Variants in FANCB observed in about 807,000 individuals in gnomAD.
FANCB encodes the protein Fanconi anemia group B protein.
A neutral mutation model predicts 38.9 loss-of-function variants in FANCB; 5 were observed. That is an observed-to-expected ratio of 0.13 (90% CI 0.07 to 0.27). The LOEUF (loss-of-function observed/expected upper bound fraction) is 0.27, where lower values mean the gene tolerates loss of function less well. Among genes scored for constraint, FANCB ranks in the 10% least tolerant of loss-of-function variants. The pLI is 1.00. For synonymous variants in FANCB, 236 were observed against 215.4 expected (o/e 1.10, Z -0.84); for missense variants, 573 against 602.7 (o/e 0.95, Z 0.52).
At chrX:14,783,999 C>G in the FANCB span, among the ~76,000 whole-genome samples, 1 of 112,323 alleles carries the variant, frequency 8.9e-6, no homozygotes, top group Admixed American at 9.4e-5. Context: ...CACCTGAGGT[C>G]AGGAGCTCGA....
In FANCB at chrX:14,865,490, C is replaced by G. The variant is rs2147448237; in HGVS notation, c.21G>C (p.Met7Ile). 3.2e-5 allele frequency: 38 copies of G among 1,200,417 alleles called. No homozygotes were observed. The highest frequency in any genetic ancestry group is 4.2e-5 in the Non-Finnish European group (37 of 888,027). The change falls in exon 3 of 10, where the codon ATG becomes ATC. Residue 7 changes from methionine (M) to isoleucine (I), a missense_variant. By Grantham distance (10) the Met-to-Ile change is conservative. Transcript: ENST00000650831. ...AGAGCCTTTCTTGTTCGTTAGATGA[C>G]ATTGCTTGTTTGCTAGTCATTCCAC... MTSKQA[M>I]SSNEQERLLC...
downstream of FANCB, among the ~76,000 whole-genome samples, chrX:14,833,416 G>C (rs1017668665): frequency 8.9e-6 from 1 of 111,859 alleles, no homozygotes; most frequent in African/African-American, 3.3e-5. Flanking sequence ...AATCTGCATC[G>C]ACTGAGAGCT....
At chrX:14,822,757 T>C in the FANCB span, among the ~76,000 whole-genome samples, 1 of 111,464 alleles carries the variant, frequency 9.0e-6, no homozygotes, top group African/African-American at 3.3e-5. Context: ...CGTATGTGGT[T>C]AAGGGAAATA....
chrX:14,710,979 G>C, the FANCB span, among the ~76,000 whole-genome samples: 1 of 112,431 alleles, frequency 8.9e-6, no homozygotes, highest in South Asian at 3.7e-4. Flanking sequence ...TTCAGTCACA[G>C]AGTTGTTAAA....
chrX:14,795,608 G>T, the FANCB span, among the ~76,000 whole-genome samples: 1 of 112,024 alleles, frequency 8.9e-6, no homozygotes, highest in Non-Finnish European at 1.9e-5. Flanking sequence ...GCGTGCAAAT[G>T]CAATTGGATG....
At chrX:14,805,498 C>T in the FANCB span, among the ~76,000 whole-genome samples, 1 of 111,234 alleles carries the variant, frequency 9.0e-6, no homozygotes, top group Non-Finnish European at 1.9e-5. Flanking sequence ...CACACCATCA[C>T]CCCCGCTAAA....
At chrX:14,835,422 T>G, downstream of FANCB, 2 of 338,920 alleles carry the variant, frequency 5.9e-6, no homozygotes, top group Non-Finnish European at 1.1e-5. Flanking sequence ...CCTGGGCGGG[T>G]GATTCTTATA....
chrX:14,775,716 CACA>C, the FANCB span, among the ~76,000 whole-genome samples: 2 of 112,003 alleles, frequency 1.8e-5, no homozygotes, highest in African/African-American at 3.2e-5. Context: ...CAAAATCCTG[CACA>C]ACAAGCTTGA....
intron 4 of FANCB, among the ~76,000 whole-genome samples, chrX:14,858,429 A>G (rs750291788): frequency 2.7e-5 from 3 of 111,063 alleles, no homozygotes; most frequent in Non-Finnish European, 5.7e-5. Flanking sequence ...GGCAAACTAT[A>G]TATTTTCCCC....
the FANCB span, among the ~76,000 whole-genome samples, chrX:14,789,186 G>A: frequency 2.7e-5 from 3 of 111,900 alleles, no homozygotes. Flanking sequence ...GAACTCTAGT[G>A]CCCTTGACTT....
Position 14,861,346 on chromosome X carries a change from G to A in FANCB, c.952-2012C>T, listed in dbSNP as rs746538036. Among the ~76,000 whole-genome samples the A allele has an allele frequency of 2.0e-4, 22 of 111,591 alleles. No individual in the cohort carries two copies. In the East Asian group the frequency reaches 4.5e-3, roughly 23 times the overall value. The stretch of plus-strand genomic sequence containing the variant: ...ATTACCACATTAAACATCATGCCTC[G>A]GGCTTTTATGAAGTGTTGATCTGGG... On this transcript the variant is annotated intron_variant, in intron 3 of 9. Transcript: ENST00000650831.
At chrX:14,708,334 T>C in the FANCB span, among the ~76,000 whole-genome samples, 2 of 111,793 alleles carry the variant, frequency 1.8e-5, no homozygotes, top group African/African-American at 3.3e-5. Flanking sequence ...CAAATTCACC[T>C]GACCATCTCA....
the FANCB span, among the ~76,000 whole-genome samples, chrX:14,736,522 G>A: frequency 2.7e-5 from 3 of 111,629 alleles, no homozygotes; most frequent in African/African-American, 9.8e-5. Context: ...CTTCCCAGGT[G>A]AGGCAACGCC....
chrX:14,839,256 C>T (rs2092348751), downstream of FANCB, among the ~76,000 whole-genome samples: 1 of 110,550 alleles, frequency 9.0e-6, no homozygotes, highest in South Asian at 3.8e-4. Context: ...CACGCCACTG[C>T]ACTCTAGCCT....
the FANCB span, among the ~76,000 whole-genome samples, chrX:14,796,584 G>A: frequency 3.3e-5 from 3 of 90,772 alleles, no homozygotes; most frequent in Non-Finnish European, 6.3e-5. Context: ...TAATATATAT[G>A]TTACATATTA....
At chrX:14,772,802 GGT>G in the FANCB span, among the ~76,000 whole-genome samples, 1 of 111,719 alleles carries the variant, frequency 9.0e-6, no homozygotes, top group Non-Finnish European at 1.9e-5. Flanking sequence ...CCAAGGCCCT[GGT>G]GGCCTGGACT....
the FANCB span, among the ~76,000 whole-genome samples, chrX:14,766,120 A>G: frequency 8.9e-6 from 1 of 112,041 alleles, no homozygotes; most frequent in African/African-American, 3.2e-5. Context: ...AAATGTCATC[A>G]GTGCCAAGGT....
In FANCB at chrX:14,864,809, G is replaced by A. The variant is rs201709202; in HGVS notation, c.702C>T (p.Ser234=). ...SDIYIIPPAY[S]SVVTYVHICA... The stretch of plus-strand genomic sequence containing the variant: ...AAATATGTACATAAGTCACCACACT[G>A]CTGTAAGCAGGAGGAATAATGTATA... Residue 234 remains serine (S), a synonymous_variant, in exon 3 of 10, where the codon AGC becomes AGT. Transcript: ENST00000650831. 5 of 1,205,809 alleles carry A rather than the reference G, an allele frequency of 4.1e-6. No homozygotes were observed. The highest frequency in any genetic ancestry group is 5.9e-5 in the East Asian group (2 of 33,766).
the FANCB span, among the ~76,000 whole-genome samples, chrX:14,701,124 G>A: frequency 3.5e-4 from 39 of 110,685 alleles, no homozygotes; most frequent in African/African-American, 9.2e-4. Flanking sequence ...AAAGAGGGAG[G>A]TGACAGAGTA....
Sources: gnomAD v4.1 joint callset for allele counts (sites outside exome capture counted in the v4.1 genomes callset) on GRCh38, gnomAD v4.1.1 for gene constraint, MANE v1.5 for transcripts, NCBI Gene and HGNC (gene_info 2026-07-23, HGNC 2026-07-21) for gene names.